The following MET variants were observed in gnomAD, a reference collection of about 807,000 sequenced individuals.
The protein encoded by MET is hepatocyte growth factor receptor.
In MET, 48 loss-of-function variants were observed where a neutral mutation model predicts 133.1. That is an observed-to-expected ratio of 0.36 (90% CI 0.29 to 0.46). The LOEUF (loss-of-function observed/expected upper bound fraction) is 0.46, where lower values mean the gene tolerates loss of function less well. Among genes scored for constraint, MET ranks in the 20% least tolerant of loss-of-function variants. The pLI is 1.00. For missense variants in MET, 1,442 were observed against 1,695.9 expected, an observed-to-expected ratio of 0.85 and a Z score of 2.63; for synonymous variants, 628 against 616.5, an observed-to-expected ratio of 1.02 and a Z score of -0.28.
Position 116,699,552 on chromosome 7 carries a change from G to A in MET, c.468G>A (p.Ser156=), listed in dbSNP as rs576502224. ...ACAATCATACTGCTGACATACAGTC[G>A]GAGGTTCACTGCATATTCTCCCCAC... ...FPHNHTADIQ[S]EVHCIFSPQI... The change falls in exon 2 of 21, where the codon TCG becomes TCA. Residue 156 remains serine (S), a synonymous_variant. Transcript: ENST00000397752. 8.8e-5 allele frequency: 142 copies of A among 1,613,982 alleles called. 1 individual carries two copies. The South Asian group carries it at 1.3e-3, about 15-fold the overall frequency.
intron 15 of MET, among the ~76,000 whole-genome samples, 172 bp downstream of exon 15, chr7:116,775,283 G>A (rs948561730): frequency 3.9e-5 from 6 of 152,120 alleles, no homozygotes; most frequent in Non-Finnish European, 8.8e-5. Context: ...TCATATCCGT[G>A]GGGATTTGCC....
At chr7:116,749,870 G>C (rs970860543) in intron 5 of MET, among the ~76,000 whole-genome samples, 10 of 152,084 alleles carry the variant, frequency 6.6e-5, no homozygotes, top group Non-Finnish European at 1.5e-4. Flanking sequence ...TTGCTACAAA[G>C]AGAATAAAAT....
chr7:116,686,434 C>T (rs1371139971), intron 1 of MET, among the ~76,000 whole-genome samples: 1 of 152,162 alleles, frequency 6.6e-6, no homozygotes, highest in Non-Finnish European at 1.5e-5. Context: ...AGTTCTGATG[C>T]CCCAGCCCTA....
intron 5 of MET, among the ~76,000 whole-genome samples, chr7:116,755,016 G>GAAAGAAAGAA (rs1794117057): frequency 1.3e-5 from 2 of 150,728 alleles, no homozygotes; most frequent in Admixed American, 1.3e-4. Flanking sequence ...AAGAAAGAAA[G>GAAAGAAAGAA]AAAGAAAGAA....
At chr7:116,752,498 T>C (rs1333700242) in intron 5 of MET, among the ~76,000 whole-genome samples, 1 of 152,166 alleles carries the variant, frequency 6.6e-6, no homozygotes, top group African/African-American at 2.4e-5. Flanking sequence ...TAACTCAGAG[T>C]TTGCCAGCCA....
Position 116,769,663 on chromosome 7 carries a change from G to A in MET, c.2602G>A (p.Glu868Lys), listed in dbSNP as rs2116982735. The change falls in exon 12 of 21, where the codon GAA becomes AAA. Residue 868 changes from glutamate to lysine, a missense_variant. Transcript: ENST00000397752. The part of the protein sequence containing the change: ...LEIKGNDIDP[E>K]AVKGEVLKVG... ...CTTTCAGGGAAATGATATTGACCCTGAAGCAGTTAAAGGTGAAGTGTTAAA... is the reference window on the plus strand; with the variant it reads ...CTTTCAGGGAAATGATATTGACCCTAAAGCAGTTAAAGGTGAAGTGTTAAA... The A allele has an allele frequency of 6.2e-7, 1 of 1,610,312 alleles. No individual in the cohort carries two copies.
At chr7:116,679,288 C>T (rs1025238479) in intron 1 of MET, among the ~76,000 whole-genome samples, 11 of 152,070 alleles carry the variant, frequency 7.2e-5, no homozygotes, top group African/African-American at 2.7e-4. Context: ...ATCTGTCATA[C>T]CTTGGAATAA....
intron 2 of MET, among the ~76,000 whole-genome samples, chr7:116,709,699 T>C (rs1472107669): frequency 6.6e-6 from 1 of 152,164 alleles, no homozygotes; most frequent in East Asian, 1.9e-4. Context: ...ACTATTTATT[T>C]TCCCGTAAGG....
intron 13 of MET, 41 bp downstream of exon 13, chr7:116,771,695 G>T (rs1041497799): frequency 6.2e-7 from 1 of 1,610,972 alleles, no homozygotes; most frequent in Admixed American, 1.7e-5. Flanking sequence ...GTTACCTTAA[G>T]AACACAGTCA....
At chr7:116,783,545 T>A in intron 19 of MET, 76 bp downstream of exon 19, 1 of 1,512,370 alleles carries the variant, frequency 6.6e-7, no homozygotes, top group Non-Finnish European at 9.1e-7. Flanking sequence ...TATCACTACT[T>A]AATTTTTTAA....
chr7:116,721,696 G>A (rs370492792), intron 2 of MET, among the ~76,000 whole-genome samples: 4,262 of 151,854 alleles, frequency 0.028, 221 homozygotes, highest in African/African-American at 0.097. Flanking sequence ...CTTTGTTCTC[G>A]TTGGTTTCAA....
At chr7:116,737,142 C>G (rs1793246189) in intron 3 of MET, among the ~76,000 whole-genome samples, 1 of 152,218 alleles carries the variant, frequency 6.6e-6, no homozygotes, top group Non-Finnish European at 1.5e-5. Flanking sequence ...AAATGGCATT[C>G]TCACTTCCAA....
In MET at chr7:116,700,165, G is replaced by T. The variant is rs786202310; in HGVS notation, c.1081G>T (p.Ala361Ser). The stretch of plus-strand genomic sequence containing the variant: ...TTCTGCCGAACCAATGGATCGATCT[G>T]CCATGTGTGCATTCCCTATCAAATA... ...PDSAEPMDRS[A>S]MCAFPIKYVN... The change falls in exon 2 of 21, where the codon GCC becomes TCC. Residue 361 changes from alanine (A) to serine (S), a missense_variant. This residue lies in a region of MET where 762 missense variants were observed against 792.4 expected (regional missense o/e 0.96). Transcript: ENST00000397752. 5 of 1,595,232 alleles carry T rather than the reference G, an allele frequency of 3.1e-6. No homozygotes were observed. The African/African-American group carries it at 6.7e-5, about 22-fold the overall frequency.
intron 1 of MET, among the ~76,000 whole-genome samples, chr7:116,692,856 TAGTC>T: frequency 6.6e-6 from 1 of 152,364 alleles, no homozygotes; most frequent in South Asian, 2.1e-4. Flanking sequence ...GAGAATGAAT[TAGTC>T]AGTCTGTTTG....
chr7:116,728,561 C>T (rs1383230541), intron 2 of MET, among the ~76,000 whole-genome samples: 4 of 152,110 alleles, frequency 2.6e-5, no homozygotes, highest in African/African-American at 9.7e-5. Context: ...CTGAGGAGAC[C>T]CTTAGTTTCA....
intron 15 of MET, among the ~76,000 whole-genome samples, chr7:116,777,058 T>C (rs1013371212): frequency 6.6e-6 from 1 of 152,204 alleles, no homozygotes. Flanking sequence ...ATTTATTTGA[T>C]GAGGCCGATG....
intron 5 of MET, among the ~76,000 whole-genome samples, chr7:116,753,205 G>C (rs1347538005): frequency 6.6e-6 from 1 of 152,176 alleles, no homozygotes; most frequent in Non-Finnish European, 1.5e-5. Context: ...GTTTGAATTT[G>C]GCTAAAAGCC....
intron 2 of MET, among the ~76,000 whole-genome samples, chr7:116,717,319 A>C (rs1286114427): frequency 3.3e-5 from 5 of 152,192 alleles, no homozygotes; most frequent in Non-Finnish European, 7.3e-5. Context: ...TCTATAAGAA[A>C]CAGCGCCAGA....
At chr7:116,767,329 T>G (rs1215518337) in intron 11 of MET, among the ~76,000 whole-genome samples, 1 of 152,222 alleles carries the variant, frequency 6.6e-6, no homozygotes. Context: ...CATCCTGATA[T>G]AGCACATTGG....
Sources: gnomAD v4.1 joint callset for allele counts (sites outside exome capture counted in the v4.1 genomes callset) on GRCh38, gnomAD v4.1.1 for gene constraint, gnomAD v4.1.1 regional missense constraint, MANE v1.5 for transcripts, NCBI Gene and HGNC (gene_info 2026-07-23, HGNC 2026-07-21) for gene names.